Variants in OXCT1 observed in about 807,000 individuals in gnomAD.
The protein encoded by OXCT1 is succinyl-CoA:3-ketoacid coenzyme A transferase 1, mitochondrial.
In OXCT1, 27 loss-of-function variants were observed where a neutral mutation model predicts 69.6. The observed-to-expected ratio is 0.39, with a 90% CI of 0.29 to 0.54. The LOEUF (loss-of-function observed/expected upper bound fraction) is 0.54. Ranked by LOEUF, OXCT1 falls within the 20% of genes least tolerant of loss-of-function variation. The pLI is 0.72. For missense variants in OXCT1, 437 were observed against 650.2 expected, an observed-to-expected ratio of 0.67 and a Z score of 3.57; for synonymous variants, 202 against 217.8, an observed-to-expected ratio of 0.93 and a Z score of 0.64.
intron 7 of OXCT1, among the ~76,000 whole-genome samples, chr5:41,836,029 G>GAGTT (rs1029312754): frequency 6.6e-6 from 1 of 152,216 alleles, no homozygotes; most frequent in African/African-American, 2.4e-5. Context: ...GGCTCATAGG[G>GAGTT]AGTTGAGAGC....
rs182901792 is a variant in OXCT1, at chr5:41,862,730, G to A, written c.99C>T (p.Ser33=). 2 of 1,608,692 alleles carry A rather than the reference G, an allele frequency of 1.2e-6. No homozygotes were observed. The highest frequency in any genetic ancestry group is 1.7e-6 in the Non-Finnish European group (2 of 1,176,020). ...ACTTGGTATGGCGATGAGCACTGGT[G>A]GAAAAGGAACAAACACATCCCTGAA... is the stretch of plus-strand genomic sequence containing the variant. The part of the protein sequence containing the change: ...TWYKGCVCSF[S]TSAHRHTKFY... The change falls in exon 2 of 17, where the codon TCC becomes TCT. Residue 33 remains serine (S), a synonymous_variant. Coordinates refer to ENST00000196371, the MANE Select transcript of OXCT1 (RefSeq NM_000436.4).
intron 5 of OXCT1, among the ~76,000 whole-genome samples, chr5:41,849,234 C>T (rs1749068697): frequency 6.6e-6 from 1 of 152,152 alleles, no homozygotes; most frequent in South Asian, 2.1e-4. Context: ...AGCCAGCATC[C>T]CCATATGCAG....
intron 7 of OXCT1, among the ~76,000 whole-genome samples, chr5:41,832,877 G>A (rs1419926113): frequency 6.6e-6 from 1 of 152,150 alleles, no homozygotes; most frequent in African/African-American, 2.4e-5. Flanking sequence ...ACTGCTGAAT[G>A]CATCAGTCTC....
At chr5:41,791,866 C>T (rs1745936702) in intron 13 of OXCT1, among the ~76,000 whole-genome samples, 1 of 152,018 alleles carries the variant, frequency 6.6e-6, no homozygotes, top group African/African-American at 2.4e-5. Context: ...TGCAGTGGCG[C>T]GATCTCTGCT....
chr5:41,859,849 C>G (rs1749631965), intron 3 of OXCT1, among the ~76,000 whole-genome samples: 1 of 107,558 alleles, frequency 9.3e-6, no homozygotes, highest in South Asian at 2.9e-4. Flanking sequence ...AACTATTATA[C>G]CTGACTAGTA....
chr5:41,733,952 C>T (rs1742764268), intron 16 of OXCT1, among the ~76,000 whole-genome samples: 1 of 152,068 alleles, frequency 6.6e-6, no homozygotes, highest in Non-Finnish European at 1.5e-5. Flanking sequence ...CATTAATATC[C>T]CAAAAGTATA....
At chr5:41,746,595 A>G (rs1053243386) in intron 15 of OXCT1, among the ~76,000 whole-genome samples, 1 of 152,084 alleles carries the variant, frequency 6.6e-6, no homozygotes, top group Non-Finnish European at 1.5e-5. Context: ...CTCTTTACTC[A>G]TTCTTGCTAT....
At chr5:41,742,590 T>C (rs1157598899) in intron 15 of OXCT1, among the ~76,000 whole-genome samples, 6 of 152,216 alleles carry the variant, frequency 3.9e-5, no homozygotes, top group Non-Finnish European at 7.3e-5. Context: ...CATTAACTCT[T>C]CATTTAACAT....
At chr5:41,750,135 G>GTTTT (rs11291155) in intron 14 of OXCT1, among the ~76,000 whole-genome samples, 20 of 73,914 alleles carry the variant, frequency 2.7e-4, no homozygotes, top group African/African-American at 4.9e-4. Flanking sequence ...GTGTTTTTTG[G>GTTTT]TTTTTTTTTT....
intron 15 of OXCT1, among the ~76,000 whole-genome samples, chr5:41,745,739 A>AT (rs1169302188): frequency 1.3e-5 from 2 of 152,212 alleles, no homozygotes; most frequent in African/African-American, 4.8e-5. Context: ...TCCCACAGAA[A>AT]TACAAACTAC....
At chr5:41,828,468 G>A (rs1054222626) in intron 7 of OXCT1, among the ~76,000 whole-genome samples, 1 of 152,044 alleles carries the variant, frequency 6.6e-6, no homozygotes, top group Non-Finnish European at 1.5e-5. Context: ...TCAAGTATAA[G>A]TCAAATAACC....
intron 7 of OXCT1, among the ~76,000 whole-genome samples, chr5:41,826,062 C>A (rs1349368120): frequency 1.3e-5 from 2 of 152,082 alleles, no homozygotes; most frequent in Non-Finnish European, 1.5e-5. Context: ...ACAACTCAAG[C>A]TATGAAGTGA....
intron 1 of OXCT1, 74 bp from the exon 2 acceptor site, chr5:41,862,824 CAATT>C: frequency 1.2e-6 from 1 of 845,622 alleles, no homozygotes. Context: ...GCAATTTATT[CAATT>C]GATAGACAAA....
In OXCT1 at chr5:41,768,077, G is replaced by A. The variant is rs77297045; in HGVS notation, c.1249-5877C>T. On this transcript the variant is annotated intron_variant, in intron 13 of 16. Coordinates refer to ENST00000196371, the MANE Select transcript of OXCT1 (RefSeq NM_000436.4). ...GTCTTTGCTGCAAGTTTCAGACTTC[G>A]ATATCCAAAAGTGTCCCTGTCACCC... Among the ~76,000 whole-genome samples the A allele has an allele frequency of 3.8e-3, 581 of 152,114 alleles. 2 individuals are homozygous for A. Among genetic ancestry groups the A allele is most frequent in the African/African-American group, 0.013 (559 of 41,496 alleles).
chr5:41,764,518 A>G (rs1456607965), intron 13 of OXCT1, among the ~76,000 whole-genome samples: 2 of 152,146 alleles, frequency 1.3e-5, no homozygotes, highest in African/African-American at 2.4e-5. Flanking sequence ...AAAAGTATCC[A>G]TGAATACTAA....
chr5:41,805,788 T>TA, intron 8 of OXCT1, 107 bp from the exon 9 acceptor site: 1 of 759,896 alleles, frequency 1.3e-6, no homozygotes, highest in Non-Finnish European at 2.3e-6. Flanking sequence ...CTCCCATTGT[T>TA]ATGAGACAAA....
intron 13 of OXCT1, among the ~76,000 whole-genome samples, chr5:41,792,882 C>T (rs1197519740): frequency 1.3e-5 from 2 of 152,310 alleles, no homozygotes; most frequent in Non-Finnish European, 2.9e-5. Context: ...GACCCAGTGT[C>T]CAGGCTACAT....
At chr5:41,764,612 T>C (rs1169624477) in intron 13 of OXCT1, among the ~76,000 whole-genome samples, 4 of 152,212 alleles carry the variant, frequency 2.6e-5, no homozygotes, top group Non-Finnish European at 4.4e-5. Flanking sequence ...GTCTTTTCCC[T>C]AAGCCTTTAT....
chr5:41,826,866 G>T (rs1181772175), intron 7 of OXCT1, among the ~76,000 whole-genome samples: 7 of 152,110 alleles, frequency 4.6e-5, no homozygotes, highest in Non-Finnish European at 8.8e-5. Context: ...GCGAGCTCTT[G>T]ATTCACTCCA....
Sources: allele counts gnomAD v4.1 joint callset (sites outside exome capture counted in the v4.1 genomes callset), GRCh38; gene constraint gnomAD v4.1.1; transcripts MANE v1.5; gene names NCBI Gene and HGNC (gene_info 2026-07-23, HGNC 2026-07-21).